The following PRKG1 variants were observed in gnomAD, a reference collection of about 807,000 sequenced individuals.
PRKG1 encodes the protein cGMP-dependent protein kinase 1.
In PRKG1, 35 loss-of-function variants were observed where a neutral mutation model predicts 88.1. The observed-to-expected ratio is 0.40, with a 90% CI of 0.30 to 0.53. PRKG1 has a LOEUF of 0.53. Among genes scored for constraint, PRKG1 ranks in the 20% least tolerant of loss-of-function variants. PRKG1 has a pLI of 0.59. For missense variants in PRKG1, 540 were observed against 839.8 expected, an observed-to-expected ratio of 0.64 and a Z score of 4.41; for synonymous variants, 303 against 292.5, an observed-to-expected ratio of 1.04 and a Z score of -0.37.
chr10:51,850,405 G>T (rs113973821), intron 4 of PRKG1, among the ~76,000 whole-genome samples: 1 of 152,026 alleles, frequency 6.6e-6, no homozygotes, highest in Admixed American at 6.6e-5. Flanking sequence ...GCAAATTCCT[G>T]ACCTCAGATG....
At chr10:51,833,482 C>A (rs1455485326) in intron 4 of PRKG1, among the ~76,000 whole-genome samples, 1 of 152,112 alleles carries the variant, frequency 6.6e-6, no homozygotes, top group Non-Finnish European at 1.5e-5. Flanking sequence ...TGAGGCTCAG[C>A]AAAATTAAAT....
intron 1 of PRKG1, among the ~76,000 whole-genome samples, chr10:51,024,663 A>T (rs1843183969): frequency 6.6e-6 from 1 of 152,298 alleles, no homozygotes; most frequent in East Asian, 1.9e-4. Flanking sequence ...CTCAGGCTGT[A>T]CAGGAAGCAT....
chr10:51,098,595 T>C (rs1325103884), intron 1 of PRKG1, among the ~76,000 whole-genome samples: 1 of 152,194 alleles, frequency 6.6e-6, no homozygotes, highest in Non-Finnish European at 1.5e-5. Context: ...GATGCTTTGG[T>C]AAAAGAAGGT....
intron 7 of PRKG1, among the ~76,000 whole-genome samples, chr10:52,092,932 C>A (rs1847089276): frequency 6.6e-6 from 1 of 152,046 alleles, no homozygotes; most frequent in African/African-American, 2.4e-5. Context: ...GGTGAAACGG[C>A]CTTAGACAAA....
chr10:51,483,005 CTTTCTTT>C (rs1160751880), intron 3 of PRKG1, among the ~76,000 whole-genome samples: 1 of 96,884 alleles, frequency 1.0e-5, no homozygotes, highest in African/African-American at 3.7e-5. Flanking sequence ...CTTTTCTTTT[CTTTCTTT>C]TTTTTTTTTT....
chr10:52,054,583 CAGTGATG>C, intron 6 of PRKG1, 22 bp downstream of exon 6: 2 of 1,605,218 alleles, frequency 1.2e-6, no homozygotes, highest in Non-Finnish European at 1.7e-6. Context: ...TGGCACAAGA[CAGTGATG>C]CACTAGGGGA....
At chr10:51,771,630 A>G (rs1312362130) in intron 3 of PRKG1, among the ~76,000 whole-genome samples, 1 of 152,220 alleles carries the variant, frequency 6.6e-6, no homozygotes, top group Non-Finnish European at 1.5e-5. Context: ...GATGTTTTAT[A>G]TAACATCATT....
intron 9 of PRKG1, among the ~76,000 whole-genome samples, chr10:52,193,382 C>CA (rs1418126803): frequency 2.1e-5 from 3 of 141,676 alleles, no homozygotes; most frequent in African/African-American, 8.9e-5. Flanking sequence ...TCCATCTCTA[C>CA]TAAAAATACA....
intron 3 of PRKG1, among the ~76,000 whole-genome samples, chr10:51,495,655 C>G (rs535067121): frequency 6.6e-6 from 1 of 152,294 alleles, no homozygotes; most frequent in South Asian, 2.1e-4. Flanking sequence ...ACTAAGATAT[C>G]AAATGCTTGT....
At chr10:52,141,814 A>G (rs965445028) in intron 8 of PRKG1, among the ~76,000 whole-genome samples, 2 of 152,154 alleles carry the variant, frequency 1.3e-5, no homozygotes, top group African/African-American at 4.8e-5. Flanking sequence ...AGGAGAAGTA[A>G]AAGGGAACAT....
chr10:51,313,342 T>TGAA (rs1298377646), intron 2 of PRKG1, among the ~76,000 whole-genome samples: 1 of 152,188 alleles, frequency 6.6e-6, no homozygotes, highest in Non-Finnish European at 1.5e-5. Flanking sequence ...GATACAGTTC[T>TGAA]ACCCTTCCTT....
At chr10:51,889,780 G>A (rs1321489613) in intron 4 of PRKG1, among the ~76,000 whole-genome samples, 1 of 152,122 alleles carries the variant, frequency 6.6e-6, no homozygotes, top group African/African-American at 2.4e-5. Context: ...TCTCATTGTG[G>A]TTTTGATTTG....
At chr10:52,009,071 A>T (rs534033925) in intron 5 of PRKG1, among the ~76,000 whole-genome samples, 1 of 152,324 alleles carries the variant, frequency 6.6e-6, no homozygotes, top group South Asian at 2.1e-4. Context: ...AGCCAACATT[A>T]TACTGAATGG....
Position 51,490,671 on chromosome 10 carries a change from C to T in PRKG1, c.592+22835C>T, listed in dbSNP as rs184344066. Among the ~76,000 whole-genome samples, 173 of 152,090 alleles carry T rather than the reference C, an allele frequency of 1.1e-3. 1 individual carries two copies. The highest frequency in any genetic ancestry group is 3.8e-3 in the African/African-American group (157 of 41,522). On this transcript the variant is annotated intron_variant, in intron 3 of 17. Transcript: ENST00000373980. The stretch of plus-strand genomic sequence containing the variant: ...CAAGAAAGCAAAGAGAAATACTGTC[C>T]GTTTTTCATAGATCGTTCTGAAAAA...
At chr10:51,376,433 A>G (rs34484399) in intron 2 of PRKG1, among the ~76,000 whole-genome samples, 14,090 of 152,270 alleles carry the variant, frequency 0.093, 868 homozygotes, top group Middle Eastern at 0.15. Context: ...TGGTATATCA[A>G]AAATACTTGG....
At chr10:51,782,100 A>C (rs916031771) in intron 3 of PRKG1, among the ~76,000 whole-genome samples, 1 of 152,164 alleles carries the variant, frequency 6.6e-6, no homozygotes, top group Non-Finnish European at 1.5e-5. Flanking sequence ...ATTAATATTT[A>C]ATCTTATACA....
At chr10:51,326,830 C>CT (rs1336170407) in intron 2 of PRKG1, among the ~76,000 whole-genome samples, 2 of 152,130 alleles carry the variant, frequency 1.3e-5, no homozygotes. Context: ...AAAATCTTGA[C>CT]TTTTTTCATT....
chr10:51,238,626 G>T (rs1370679013), intron 2 of PRKG1, among the ~76,000 whole-genome samples: 9 of 151,342 alleles, frequency 5.9e-5, no homozygotes, highest in African/African-American at 1.9e-4. Flanking sequence ...AGCTGGGTGT[G>T]GTGGTGCGCC....
At chr10:52,104,283 C>T (rs2132573643) in intron 7 of PRKG1, among the ~76,000 whole-genome samples, 2 of 151,870 alleles carry the variant, frequency 1.3e-5, no homozygotes, top group African/African-American at 4.8e-5. Flanking sequence ...TTACTGCATT[C>T]TTTAATAATG....
Sources: allele counts gnomAD v4.1 joint callset (sites outside exome capture counted in the v4.1 genomes callset), GRCh38; gene constraint gnomAD v4.1.1; transcripts MANE v1.5; gene names NCBI Gene and HGNC (gene_info 2026-07-23, HGNC 2026-07-21).